The following PBX1 variants were observed in gnomAD, a reference collection of about 807,000 sequenced individuals.
PBX1 encodes the protein PBX homeobox 1.
PBX1 carries 6 observed loss-of-function variants against 53.4 expected under a neutral mutation model. The observed-to-expected ratio is 0.11, with a 90% CI of 0.06 to 0.22. The LOEUF (loss-of-function observed/expected upper bound fraction) is 0.22. Among genes scored for constraint, PBX1 ranks in the 10% least tolerant of loss-of-function variants. The pLI, the probability that PBX1 is intolerant of heterozygous loss-of-function variation, is 1.00. For synonymous variants in PBX1, 204 were observed against 212.3 expected, an observed-to-expected ratio of 0.96 and a Z score of 0.34; for missense variants, 251 against 551.4, an observed-to-expected ratio of 0.46 and a Z score of 5.46.
intron 2 of PBX1, among the ~76,000 whole-genome samples, chr1:164,617,712 T>C (rs1312990760): frequency 6.6e-6 from 1 of 152,170 alleles, no homozygotes; most frequent in Non-Finnish European, 1.5e-5. Context: ...CTTTAGAAAA[T>C]TGTGTCTTAA....
chr1:164,855,950 G>A (rs1671967474), downstream of PBX1, among the ~76,000 whole-genome samples: 1 of 152,102 alleles, frequency 6.6e-6, no homozygotes, highest in South Asian at 2.1e-4. Flanking sequence ...CCTCCCCCTT[G>A]GTATTCATAT....
chr1:164,860,607 T>G (rs1672074373), intron 2 of PBX1, among the ~76,000 whole-genome samples: 1 of 152,100 alleles, frequency 6.6e-6, no homozygotes, highest in South Asian at 2.1e-4. Flanking sequence ...ACTTACGTAC[T>G]CCTTCTTCAA....
rs926704578 is a variant in PBX1 at position 164,710,536 on chromosome 1, C to G, written c.266-81958C>G. On this transcript the variant is annotated intron_variant, in intron 2 of 8. Transcript: ENST00000420696. ...AAGCGATTCTCCTGCCTTAGCCTCC[C>G]AAGCAGCTGGGAATACTGGCATGCA... 3.9e-5 allele frequency among the ~76,000 whole-genome samples: 6 copies of G among 152,186 alleles called. No homozygotes were observed. In the South Asian group the frequency reaches 1.0e-3, roughly 26 times the overall value.
chr1:164,715,721 C>G (rs563109582), intron 2 of PBX1, among the ~76,000 whole-genome samples: 1 of 152,282 alleles, frequency 6.6e-6, no homozygotes, highest in East Asian at 1.9e-4. Context: ...GATGACTGTT[C>G]TCTTCTAAAA....
At chr1:164,586,661 A>G (rs1557875396) in intron 2 of PBX1, among the ~76,000 whole-genome samples, 1 of 152,230 alleles carries the variant, frequency 6.6e-6, no homozygotes, top group South Asian at 2.1e-4. Flanking sequence ...TTGTTAACCT[A>G]TACTGTCACA....
chr1:164,651,004 A>G (rs1239756547), intron 2 of PBX1, among the ~76,000 whole-genome samples: 2 of 151,760 alleles, frequency 1.3e-5, no homozygotes, highest in Admixed American at 1.3e-4. Flanking sequence ...GTGAGGGGAA[A>G]GGAAAGAACA....
intron 6 of PBX1, chr1:164,818,187 A>G (rs1390755426): frequency 6.6e-6 from 1 of 152,178 alleles, no homozygotes. Context: ...ACTAGTATAT[A>G]GAGATATTAT....
At chr1:164,707,911 C>T (rs561239991) in intron 2 of PBX1, among the ~76,000 whole-genome samples, 14 of 152,336 alleles carry the variant, frequency 9.2e-5, no homozygotes, top group South Asian at 4.1e-4. Flanking sequence ...TGCATTAAGG[C>T]AAGAGCATTG....
At chr1:164,756,077 T>C (rs920764924) in intron 2 of PBX1, among the ~76,000 whole-genome samples, 1 of 151,958 alleles carries the variant, frequency 6.6e-6, no homozygotes, top group African/African-American at 2.4e-5. Flanking sequence ...ATACAATTAA[T>C]ATCTGTGCTG....
chr1:164,588,049 G>A (rs900249223), intron 2 of PBX1, among the ~76,000 whole-genome samples: 1 of 152,164 alleles, frequency 6.6e-6, no homozygotes, highest in Non-Finnish European at 1.5e-5. Flanking sequence ...CTGGGGCAAA[G>A]ACCAAAGGAC....
chr1:164,728,974 G>T (rs1363920179), intron 2 of PBX1, among the ~76,000 whole-genome samples: 1 of 152,174 alleles, frequency 6.6e-6, no homozygotes, highest in African/African-American at 2.4e-5. Flanking sequence ...TAATTGTAGG[G>T]TTACTGCTGG....
intron 2 of PBX1, among the ~76,000 whole-genome samples, chr1:164,777,094 T>C (rs1667710152): frequency 6.6e-6 from 1 of 152,068 alleles, no homozygotes; most frequent in Non-Finnish European, 1.5e-5. Flanking sequence ...AACAGAATAA[T>C]AGTTTCGGAA....
intron 2 of PBX1, among the ~76,000 whole-genome samples, chr1:164,648,066 CG>C (rs1240494170): frequency 6.6e-6 from 1 of 152,064 alleles, no homozygotes; most frequent in Non-Finnish European, 1.5e-5. Context: ...CTGCCCATCT[CG>C]GTCTCCCAAA....
At chr1:164,682,760 G>T (rs1463594452) in intron 2 of PBX1, 3 of 152,106 alleles carry the variant, frequency 2.0e-5, no homozygotes, top group African/African-American at 7.2e-5. Context: ...TAAAACCTGT[G>T]GCTGCTGCCA....
intron 2 of PBX1, among the ~76,000 whole-genome samples, chr1:164,754,156 G>A (rs913439616): frequency 6.6e-6 from 1 of 152,136 alleles, no homozygotes; most frequent in Non-Finnish European, 1.5e-5. Flanking sequence ...CTATGTGCCC[G>A]GCTGGTGTGT....
At chr1:164,723,218 A>G (rs1664503503) in intron 2 of PBX1, among the ~76,000 whole-genome samples, 1 of 152,198 alleles carries the variant, frequency 6.6e-6, no homozygotes. Context: ...CACTCCTACT[A>G]AAACCCAATC....
At chr1:164,569,488 A>G (rs995580801) in intron 2 of PBX1, among the ~76,000 whole-genome samples, 5 of 151,924 alleles carry the variant, frequency 3.3e-5, no homozygotes, top group African/African-American at 1.2e-4. Flanking sequence ...GACAAAGCCA[A>G]TTCCAAGACT....
intron 2 of PBX1, among the ~76,000 whole-genome samples, chr1:164,578,192 A>T (rs1172389536): frequency 6.6e-6 from 1 of 152,186 alleles, no homozygotes; most frequent in Non-Finnish European, 1.5e-5. Flanking sequence ...CCACTGGAGT[A>T]TATCTTCTTA....
intron 2 of PBX1, among the ~76,000 whole-genome samples, chr1:164,760,960 C>G (rs1377757464): frequency 6.6e-6 from 1 of 152,142 alleles, no homozygotes; most frequent in Non-Finnish European, 1.5e-5. Flanking sequence ...TTTTTGGATA[C>G]TTTCTTTCCT....
Sources: allele counts gnomAD v4.1 joint callset (sites outside exome capture counted in the v4.1 genomes callset), GRCh38; gene constraint gnomAD v4.1.1; transcripts MANE v1.5; gene names NCBI Gene and HGNC (gene_info 2026-07-23, HGNC 2026-07-21).